The following MGAT5 variants were observed in gnomAD, a reference collection of about 807,000 sequenced individuals.
MGAT5 encodes alpha-1,6-mannosylglycoprotein 6-beta-N-acetylglucosaminyltransferase, also known as alpha-1,6-mannosylglycoprotein 6-beta-N-acetylglucosaminyltransferase A.
Under a neutral mutation model 94.3 loss-of-function variants are expected in MGAT5, and 30 were observed. The ratio of observed to expected loss-of-function variants is 0.32; its 90% CI spans 0.24 to 0.43. The LOEUF (loss-of-function observed/expected upper bound fraction) is 0.43. Ranked by LOEUF, MGAT5 falls within the 20% of genes least tolerant of loss-of-function variation. The probability of loss-of-function intolerance (pLI) is 1.00; values close to 1 mark genes in which losing one functional copy is unlikely to be tolerated. For missense variants in MGAT5, 691 were observed against 905.5 expected (o/e 0.76, Z 3.04); for synonymous variants, 310 against 322.9 (o/e 0.96, Z 0.43).
At chr2:134,182,491 G>A (rs138468126) in intron 1 of MGAT5, among the ~76,000 whole-genome samples, 145 of 152,296 alleles carry the variant, frequency 9.5e-4, no homozygotes, top group African/African-American at 3.0e-3. Context: ...TTCATCCTCA[G>A]TATTTTAAGA....
At chr2:134,173,844 A>G (rs1340159741) in intron 1 of MGAT5, among the ~76,000 whole-genome samples, 1 of 152,232 alleles carries the variant, frequency 6.6e-6, no homozygotes, top group Admixed American at 6.5e-5. Context: ...AATCCTTTAA[A>G]TAGCCTTCAG....
In MGAT5 at chr2:134,448,745, C is replaced by T. The variant is rs759993969; in HGVS notation, c.2124C>T (p.Leu708=). 2.5e-5 allele frequency: 40 copies of T among 1,614,112 alleles called. No homozygotes were observed. The highest frequency in any genetic ancestry group is 3.2e-5 in the Non-Finnish European group (38 of 1,180,052). ...AGCACTGTGTGTTTCAAGGTGACCTCCTGCTCTTCAGCTGTGCAGGCGCCC... is the reference window on the plus strand; with the variant it reads ...AGCACTGTGTGTTTCAAGGTGACCTTCTGCTCTTCAGCTGTGCAGGCGCCC... ...KNKHCVFQGD[L]LLFSCAGAHP... Residue 708 remains leucine, a synonymous_variant, in exon 16 of 16, where the codon CTC becomes CTT. Coordinates refer to ENST00000281923, the MANE Select transcript of MGAT5 (RefSeq NM_002410.5).
chr2:134,296,759 G>T (rs1398525288), intron 2 of MGAT5, among the ~76,000 whole-genome samples: 1 of 152,058 alleles, frequency 6.6e-6, no homozygotes, highest in African/African-American at 2.4e-5. Flanking sequence ...AATGTTATGA[G>T]ATATAGAATC....
rs564346260 is a variant in MGAT5 at position 134,139,127 on chromosome 2, ATCT to A, written c.-143+18841_-143+18843del. ...TTGGCCAGAGAAATGTCTACTAGAG[ATCT>A]TCTTTCATGTAAAAACATGGAAAGG... is the stretch of plus-strand genomic sequence containing the variant. On this transcript the variant is annotated intron_variant, in intron 1 of 16. Coordinates refer to the MGAT5 transcript ENST00000409645. Among the ~76,000 whole-genome samples, 45 of 152,328 alleles carry A rather than the reference ATCT, an allele frequency of 3.0e-4. 1 individual carries two copies. The South Asian group carries it at 8.9e-3, about 30-fold the overall frequency.
intron 15 of MGAT5, among the ~76,000 whole-genome samples, chr2:134,443,640 G>T (rs1422846816): frequency 6.6e-6 from 1 of 152,234 alleles, no homozygotes; most frequent in East Asian, 1.9e-4. Context: ...TTAGGAGGGG[G>T]CAGTGGTCCA....
chr2:134,370,272 A>T (rs1256030432), intron 10 of MGAT5, among the ~76,000 whole-genome samples: 1 of 152,236 alleles, frequency 6.6e-6, no homozygotes, highest in Non-Finnish European at 1.5e-5. Context: ...ACATTTTTGT[A>T]AGTAGATTAA....
At chr2:134,421,019 C>G (rs756620407) in intron 12 of MGAT5, among the ~76,000 whole-genome samples, 1 of 152,170 alleles carries the variant, frequency 6.6e-6, no homozygotes, top group Non-Finnish European at 1.5e-5. Context: ...TTAAAATTGA[C>G]ATTATGAAGG....
At chr2:134,224,247 C>A (rs1258067236) in intron 1 of MGAT5, among the ~76,000 whole-genome samples, 1 of 152,154 alleles carries the variant, frequency 6.6e-6, no homozygotes, top group Non-Finnish European at 1.5e-5. Context: ...GTTTCATGAT[C>A]TGTGGGAAGT....
intron 7 of MGAT5, 30 bp downstream of exon 7, chr2:134,341,789 C>A (rs1443913948): frequency 1.3e-6 from 2 of 1,567,576 alleles, no homozygotes; most frequent in Admixed American, 4.1e-5. Context: ...ATTTTAAAAT[C>A]AGAATACAAA....
intron 1 of MGAT5, among the ~76,000 whole-genome samples, chr2:134,142,973 G>A (rs1027058967): frequency 1.3e-5 from 2 of 151,812 alleles, no homozygotes; most frequent in Admixed American, 1.3e-4. Flanking sequence ...TAGAGAGCCT[G>A]TTCCGAGATT....
intron 1 of MGAT5, chr2:134,127,196 T>C (rs1393502506): frequency 6.5e-6 from 1 of 154,694 alleles, no homozygotes; most frequent in Non-Finnish European, 1.5e-5. Flanking sequence ...CATCATGCGG[T>C]GTCCCCAGTC....
intron 4 of MGAT5, among the ~76,000 whole-genome samples, chr2:134,325,146 C>T (rs1483873667): frequency 1.3e-5 from 2 of 151,976 alleles, no homozygotes; most frequent in Non-Finnish European, 2.9e-5. Flanking sequence ...TATACCACAA[C>T]ATTTATATTT....
chr2:134,168,222 T>C (rs1453992851), intron 1 of MGAT5, among the ~76,000 whole-genome samples: 1 of 152,162 alleles, frequency 6.6e-6, no homozygotes, highest in African/African-American at 2.4e-5. Flanking sequence ...TGGCTGTGAA[T>C]CCCCATTTTC....
intron 9 of MGAT5, among the ~76,000 whole-genome samples, chr2:134,355,244 C>T (rs1679658639): frequency 6.6e-6 from 1 of 152,220 alleles, no homozygotes; most frequent in Admixed American, 6.5e-5. Flanking sequence ...TCCCCTAACC[C>T]TGGTGTAACT....
chr2:134,226,085 C>A (rs568314480), intron 1 of MGAT5, among the ~76,000 whole-genome samples: 1 of 152,316 alleles, frequency 6.6e-6, no homozygotes, highest in South Asian at 2.1e-4. Flanking sequence ...TTCTGCTCTG[C>A]CCCTTGGCTA....
chr2:134,263,818 A>G (rs192839531), intron 1 of MGAT5, among the ~76,000 whole-genome samples: 2 of 152,256 alleles, frequency 1.3e-5, no homozygotes, highest in East Asian at 1.9e-4. Context: ...GTAAAATTAA[A>G]GCATATGAGG....
In MGAT5 at chr2:134,236,590, C is replaced by T. The variant is rs907576018; in HGVS notation, c.-142-17672C>T. Among the ~76,000 whole-genome samples the T allele has an allele frequency of 3.3e-5, 5 of 152,288 alleles. No individual in the cohort carries two copies. In the East Asian group the frequency reaches 9.7e-4, roughly 29 times the overall value. Reference sequence around the variant, plus strand: ...CTTGCTGCCACCATGTGAAGAAGGACATGTTTGCTTCCCCTTCCCTGAGGC... The same window carrying T: ...CTTGCTGCCACCATGTGAAGAAGGATATGTTTGCTTCCCCTTCCCTGAGGC... On this transcript the variant is annotated intron_variant, in intron 1 of 16. Coordinates refer to the MGAT5 transcript ENST00000409645.
At chr2:134,373,658 T>A (rs1680963705) in intron 10 of MGAT5, among the ~76,000 whole-genome samples, 1 of 152,208 alleles carries the variant, frequency 6.6e-6, no homozygotes, top group Non-Finnish European at 1.5e-5. Context: ...GACAGCAGGT[T>A]GCTGGGCTGG....
At position 134,312,617 on chromosome 2, in the gene MGAT5, G is replaced by A. The variant is rs190930343; in HGVS notation, c.407-4912G>A. Reference sequence around the variant, plus strand: ...GGGCATATATCCTGGGAGTACCGACGGGTAGAGGAGGCTTCGTTGCCGGGT... The same window carrying A: ...GGGCATATATCCTGGGAGTACCGACAGGTAGAGGAGGCTTCGTTGCCGGGT... On this transcript the variant is annotated intron_variant, in intron 2 of 15. Coordinates refer to ENST00000281923, the MANE Select transcript of MGAT5 (RefSeq NM_002410.5). 1.6e-4 allele frequency among the ~76,000 whole-genome samples: 24 copies of A among 152,268 alleles called. No individual in the cohort carries two copies. The East Asian group carries it at 3.3e-3, about 21-fold the overall frequency.
Sources: allele counts gnomAD v4.1 joint callset (sites outside exome capture counted in the v4.1 genomes callset), GRCh38; gene constraint gnomAD v4.1.1; transcripts MANE v1.5; gene names NCBI Gene and HGNC (gene_info 2026-07-23, HGNC 2026-07-21).